MGMT: variants seen among roughly 807,000 people sequenced by gnomAD.
MGMT encodes the protein O-6-methylguanine-DNA methyltransferase, also known as methylated-DNA--protein-cysteine methyltransferase.
A neutral mutation model predicts 15.9 loss-of-function variants in MGMT; 14 were observed. The ratio of observed to expected loss-of-function variants is 0.88; its 90% CI spans 0.58 to 1.37. The LOEUF (loss-of-function observed/expected upper bound fraction) is 1.37, where lower values mean the gene tolerates loss of function less well. MGMT is among the 40% of genes most tolerant of loss of function. The pLI is 0.00. For missense variants in MGMT, 282 were observed against 268.1 expected (o/e 1.05, Z -0.36); for synonymous variants, 130 against 118.2 (o/e 1.10, Z -0.65).
Position 129,556,200 on chromosome 10 carries a change from GTC to G in MGMT, c.125+19827_125+19828del, listed in dbSNP as rs1000626234. Among the ~76,000 whole-genome samples, 12 of 152,172 alleles carry G rather than the reference GTC, an allele frequency of 7.9e-5. No homozygotes were observed. The highest frequency in any genetic ancestry group is 5.9e-5 in the Non-Finnish European group (4 of 68,042). ...CAGTGCTTTCGGGATCGCTCTGTTG[GTC>G]TCTGTGTAGCACGTGGCCCCCAAAA... On this transcript the variant is annotated intron_variant, in intron 2 of 4. Transcript: ENST00000651593. The surrounding 1 kb of genome is among the most constrained non-coding windows in gnomAD (Gnocchi z 4.3).
At chr10:129,668,371 C>A (rs1433116225) in intron 2 of MGMT, among the ~76,000 whole-genome samples, 8 of 151,324 alleles carry the variant, frequency 5.3e-5, no homozygotes, top group Admixed American at 3.3e-4. Flanking sequence ...TTTGCCTGTT[C>A]CTGTTCTAGA....
intron 1 of MGMT, among the ~76,000 whole-genome samples, chr10:129,512,981 C>A (rs1471814608): frequency 6.6e-6 from 1 of 152,084 alleles, no homozygotes; most frequent in Admixed American, 6.5e-5. Context: ...TCACAGTGGC[C>A]AAAAGGAGAA....
At chr10:129,591,460 G>A (rs980829529) in intron 2 of MGMT, among the ~76,000 whole-genome samples, 2 of 152,188 alleles carry the variant, frequency 1.3e-5, no homozygotes, top group African/African-American at 4.8e-5. Flanking sequence ...CCGCACAGGT[G>A]CTGTGTCAGG....
chr10:129,603,925 C>T (rs1014779198), intron 2 of MGMT, among the ~76,000 whole-genome samples: 1 of 152,214 alleles, frequency 6.6e-6, no homozygotes, highest in Non-Finnish European at 1.5e-5. Context: ...TGCAGGTTCT[C>T]ACCTTTGTTA....
intron 2 of MGMT, among the ~76,000 whole-genome samples, chr10:129,611,995 A>T (rs1003074436): frequency 1.3e-5 from 2 of 152,228 alleles, no homozygotes; most frequent in African/African-American, 2.4e-5. Context: ...CATGTGCCTA[A>T]GGTGGTCGGG....
chr10:129,639,540 A>G (rs1285136249), intron 2 of MGMT, among the ~76,000 whole-genome samples: 2 of 152,228 alleles, frequency 1.3e-5, no homozygotes, highest in African/African-American at 4.8e-5. Flanking sequence ...TACACTTAAC[A>G]AAGGCCAAGA....
chr10:129,482,243 T>A (rs781205632), intron 1 of MGMT, among the ~76,000 whole-genome samples: 2 of 152,214 alleles, frequency 1.3e-5, no homozygotes, highest in Non-Finnish European at 2.9e-5. Context: ...ATTTTTCTGT[T>A]ATTGATCTGC....
chr10:129,743,099 A>G (rs190234606), intron 3 of MGMT, among the ~76,000 whole-genome samples: 1 of 152,268 alleles, frequency 6.6e-6, no homozygotes, highest in East Asian at 1.9e-4. Context: ...TGGGTGGTAT[A>G]TGGTGGGCTG....
intron 2 of MGMT, among the ~76,000 whole-genome samples, chr10:129,563,146 GT>G (rs1244627832): frequency 1.3e-5 from 2 of 152,216 alleles, no homozygotes; most frequent in Non-Finnish European, 2.9e-5. Context: ...TATTGAATGT[GT>G]TTTCAGGGTC....
intron 2 of MGMT, among the ~76,000 whole-genome samples, chr10:129,617,995 G>C (rs574059109): frequency 4.3e-4 from 65 of 152,090 alleles, no homozygotes; most frequent in African/African-American, 1.6e-3. Flanking sequence ...ATACCCTCCT[G>C]GGTGTGAAGA....
intron 3 of MGMT, among the ~76,000 whole-genome samples, chr10:129,753,573 C>T (rs780071454): frequency 1.3e-5 from 2 of 151,986 alleles, no homozygotes; most frequent in Non-Finnish European, 2.9e-5. Flanking sequence ...ACTCTTTTCT[C>T]GGCATCTCCA....
At chr10:129,751,010 A>G (rs1589975680) in intron 3 of MGMT, among the ~76,000 whole-genome samples, 2 of 151,930 alleles carry the variant, frequency 1.3e-5, no homozygotes, top group Non-Finnish European at 1.5e-5. Flanking sequence ...ACTGAACTGT[A>G]CTCTTTTGGT....
At chr10:129,516,465 A>G (rs1412501950) in intron 1 of MGMT, among the ~76,000 whole-genome samples, 3 of 152,124 alleles carry the variant, frequency 2.0e-5, no homozygotes, top group African/African-American at 7.2e-5. Flanking sequence ...CTTACCCGGC[A>G]TGGTGTTTCC....
At chr10:129,473,306 T>A (rs1000804113) in intron 1 of MGMT, among the ~76,000 whole-genome samples, 1 of 152,178 alleles carries the variant, frequency 6.6e-6, no homozygotes, top group Non-Finnish European at 1.5e-5. Context: ...AAATGGGCCT[T>A]ATTTTTATTT....
intron 2 of MGMT, among the ~76,000 whole-genome samples, chr10:129,567,361 C>A (rs1846368331): frequency 6.6e-6 from 1 of 152,150 alleles, no homozygotes; most frequent in South Asian, 2.1e-4. Flanking sequence ...CAGACCCCCC[C>A]AGAGAGCCAG....
chr10:129,553,974 G>A (rs1014848335), intron 2 of MGMT, among the ~76,000 whole-genome samples: 2 of 152,198 alleles, frequency 1.3e-5, no homozygotes, highest in African/African-American at 2.4e-5. Context: ...AGACTCTCCC[G>A]GCTCCCCAGT....
intron 2 of MGMT, among the ~76,000 whole-genome samples, chr10:129,648,448 G>A (rs1443255591): frequency 2.0e-5 from 3 of 152,072 alleles, no homozygotes. Context: ...AAATTTTTAT[G>A]TTGAAAGTAA....
intron 3 of MGMT, chr10:129,715,486 T>G (rs913849033): frequency 6.6e-6 from 1 of 152,254 alleles, no homozygotes; most frequent in East Asian, 1.9e-4. Context: ...ACTTTTCACT[T>G]AAATATGTTT....
chr10:129,707,221 G>A (rs1848174489), intron 2 of MGMT, among the ~76,000 whole-genome samples: 1 of 152,062 alleles, frequency 6.6e-6, no homozygotes. Flanking sequence ...AGGTTGCAGT[G>A]AGCCAAGATC....
Sources: allele counts gnomAD v4.1 joint callset (sites outside exome capture counted in the v4.1 genomes callset), GRCh38; gene constraint gnomAD v4.1.1; non-coding constraint Gnocchi (gnomAD v3.1); transcripts MANE v1.5; gene names NCBI Gene and HGNC (gene_info 2026-07-23, HGNC 2026-07-21).